The following CAMK1D variants were observed in gnomAD, a reference collection of about 807,000 sequenced individuals.
CAMK1D encodes calcium/calmodulin-dependent protein kinase type 1D.
A neutral mutation model predicts 47.7 loss-of-function variants in CAMK1D; 9 were observed. The ratio of observed to expected loss-of-function variants is 0.19; its 90% CI spans 0.11 to 0.33. CAMK1D has a LOEUF of 0.33. Ranked by LOEUF, CAMK1D falls within the 10% of genes least tolerant of loss-of-function variation. The pLI, the probability that CAMK1D is intolerant of heterozygous loss-of-function variation, is 1.00. For missense variants in CAMK1D, 291 were observed against 488.7 expected (o/e 0.60, Z 3.81); for synonymous variants, 184 against 184.9 (o/e 0.99, Z 0.04).
intron 2 of CAMK1D, among the ~76,000 whole-genome samples, chr10:12,564,968 G>A (rs1327959244): frequency 6.6e-6 from 1 of 152,170 alleles, no homozygotes. Context: ...CAGAACTTTG[G>A]GAGGCTGAGA....
chr10:12,626,853 G>A (rs1318828780), intron 2 of CAMK1D, among the ~76,000 whole-genome samples: 1 of 152,106 alleles, frequency 6.6e-6, no homozygotes, highest in African/African-American at 2.4e-5. Flanking sequence ...TACTGATGTT[G>A]TACTAACTAG....
intron 8 of CAMK1D, among the ~76,000 whole-genome samples, chr10:12,817,228 T>C (rs1308225613): frequency 6.6e-6 from 1 of 152,242 alleles, no homozygotes; most frequent in Admixed American, 6.5e-5. Context: ...CACATCAGTA[T>C]GCAAAAGATA....
At chr10:12,763,192 T>C (rs1015992201) in intron 4 of CAMK1D, among the ~76,000 whole-genome samples, 8 of 152,170 alleles carry the variant, frequency 5.3e-5, no homozygotes, top group African/African-American at 1.9e-4. Flanking sequence ...TGTGATCTCT[T>C]TTCAGAGGCA....
At chr10:12,609,909 TGAA>T (rs1188575483) in intron 2 of CAMK1D, among the ~76,000 whole-genome samples, 1 of 152,148 alleles carries the variant, frequency 6.6e-6, no homozygotes, top group Non-Finnish European at 1.5e-5. Flanking sequence ...CCTGGAGAGT[TGAA>T]GAAAAATAGA....
chr10:12,549,297 G>C (rs1442701089), intron 1 of CAMK1D, among the ~76,000 whole-genome samples: 2 of 152,204 alleles, frequency 1.3e-5, no homozygotes, highest in Non-Finnish European at 2.9e-5. Context: ...CCTCCTGTAA[G>C]TAGAATCATA....
chr10:12,643,399 G>C (rs921614628), intron 2 of CAMK1D, among the ~76,000 whole-genome samples: 4 of 152,200 alleles, frequency 2.6e-5, no homozygotes, highest in African/African-American at 9.7e-5. Flanking sequence ...TAGGAGCAGG[G>C]CTGCACAGCA....
chr10:12,551,093 T>C (rs1050041302), intron 1 of CAMK1D, among the ~76,000 whole-genome samples: 2 of 152,120 alleles, frequency 1.3e-5, no homozygotes, highest in Non-Finnish European at 2.9e-5. Flanking sequence ...CCAATACCGG[T>C]AGGGTATGTG....
At chr10:12,363,720 G>A (rs142803771) in intron 1 of CAMK1D, among the ~76,000 whole-genome samples, 5,021 of 144,322 alleles carry the variant, frequency 0.035, 137 homozygotes, top group Non-Finnish European at 0.054. Context: ...CCAGGCTGGA[G>A]TGCAGTGGCA....
chr10:12,757,033 C>T (rs1395828834), intron 3 of CAMK1D, among the ~76,000 whole-genome samples: 2 of 152,208 alleles, frequency 1.3e-5, no homozygotes, highest in Non-Finnish European at 2.9e-5. Flanking sequence ...ACTATCTCTT[C>T]TGTCTTCTGC....
At chr10:12,630,262 CCTT>C (rs1275735578) in intron 2 of CAMK1D, among the ~76,000 whole-genome samples, 4 of 152,126 alleles carry the variant, frequency 2.6e-5, no homozygotes, top group African/African-American at 9.7e-5. Context: ...GTCCTCAAGA[CCTT>C]CTCTCTTTTG....
intron 3 of CAMK1D, among the ~76,000 whole-genome samples, chr10:12,715,365 T>C (rs1834088259): frequency 1.3e-5 from 2 of 152,244 alleles, no homozygotes; most frequent in African/African-American, 4.8e-5. Flanking sequence ...TGCGATATCT[T>C]CATTTCTTAT....
At chr10:12,508,491 G>A (rs1834944941) in intron 1 of CAMK1D, among the ~76,000 whole-genome samples, 1 of 152,168 alleles carries the variant, frequency 6.6e-6, no homozygotes, top group Non-Finnish European at 1.5e-5. Context: ...GGGACTGGGG[G>A]GAAGGGAAAT....
chr10:12,385,421 A>G lies in CAMK1D; in HGVS notation c.92+35511A>G, dbSNP rs529071678. The stretch of plus-strand genomic sequence containing the variant: ...AATGATGTGATATTTGGCTGTAAAA[A>G]TGAATTAAGCATTGATATATGCTAC... On this transcript the variant is annotated intron_variant, in intron 1 of 10. Coordinates refer to ENST00000619168, the MANE Select transcript of CAMK1D (RefSeq NM_153498.4). 1.3e-4 allele frequency among the ~76,000 whole-genome samples: 20 copies of G among 152,390 alleles called. No individual in the cohort carries two copies. In the South Asian group the frequency reaches 2.7e-3, roughly 20 times the overall value.
At chr10:12,714,022 C>T (rs547760742) in intron 3 of CAMK1D, among the ~76,000 whole-genome samples, 34 of 152,308 alleles carry the variant, frequency 2.2e-4, no homozygotes, top group African/African-American at 8.2e-4. Context: ...ACAGCTGGTA[C>T]CATCAGGCTG....
chr10:12,728,927 T>C (rs966455722), intron 3 of CAMK1D, among the ~76,000 whole-genome samples: 3 of 152,258 alleles, frequency 2.0e-5, no homozygotes. Context: ...TATGATCATT[T>C]GCAGATCACT....
chr10:12,383,271 T>G (rs1838394775), intron 1 of CAMK1D, among the ~76,000 whole-genome samples: 1 of 152,160 alleles, frequency 6.6e-6, no homozygotes. Flanking sequence ...ATTTTTTTTT[T>G]TGTTGTTGTT....
Position 12,571,216 on chromosome 10 carries a change from G to A in CAMK1D, c.224+17860G>A, listed in dbSNP as rs1837313349. On this transcript the variant is annotated intron_variant, in intron 2 of 10. Transcript: ENST00000619168. ...AATCTCTGCACTTTGGGAGGCTTAG[G>A]TGGGCAGATCACGAGGTTAGGAATT... Among the ~76,000 whole-genome samples the A allele has an allele frequency of 2.0e-5, 3 of 152,146 alleles. No homozygotes were observed. The South Asian group carries it at 6.2e-4, about 32-fold the overall frequency.
At chr10:12,765,525 C>T (rs1471496294) in intron 4 of CAMK1D, among the ~76,000 whole-genome samples, 1 of 152,196 alleles carries the variant, frequency 6.6e-6, no homozygotes, top group Admixed American at 6.5e-5. Context: ...TCTGGCTGTC[C>T]AGTAGGTCCA....
intron 3 of CAMK1D, among the ~76,000 whole-genome samples, chr10:12,716,216 G>A (rs1433934787): frequency 6.6e-6 from 1 of 152,178 alleles, no homozygotes; most frequent in African/African-American, 2.4e-5. Context: ...CCTTGGCGCT[G>A]TTGACATCTG....
Sources: allele counts gnomAD v4.1 joint callset (sites outside exome capture counted in the v4.1 genomes callset), GRCh38; gene constraint gnomAD v4.1.1; transcripts MANE v1.5; gene names NCBI Gene and HGNC (gene_info 2026-07-23, HGNC 2026-07-21).